Variants in TMEM266 observed in about 807,000 individuals in gnomAD.
The protein encoded by TMEM266 is Hv1 related protein 1.
In TMEM266, 33 loss-of-function variants were observed where a neutral mutation model predicts 50.5. The ratio of observed to expected loss-of-function variants is 0.65; its 90% CI spans 0.50 to 0.87. The LOEUF (loss-of-function observed/expected upper bound fraction) is 0.87, where lower values mean the gene tolerates loss of function less well. Among genes scored for constraint, TMEM266 ranks in the 40% least tolerant of loss-of-function variants. TMEM266 has a pLI of 0.00. For synonymous variants in TMEM266, 310 were observed against 292.3 expected, an observed-to-expected ratio of 1.06 and a Z score of -0.62; for missense variants, 655 against 695.1, an observed-to-expected ratio of 0.94 and a Z score of 0.65.
chr15:76,078,785 A>G (rs962927059), intron 1 of TMEM266, among the ~76,000 whole-genome samples: 3 of 152,186 alleles, frequency 2.0e-5, no homozygotes, highest in Non-Finnish European at 2.9e-5. Flanking sequence ...TTAAAATACT[A>G]CCACAAACTG....
In TMEM266 at chr15:76,127,265, G is replaced by A. The variant is rs181118570; in HGVS notation, c.-96-6903G>A. On this transcript the variant is annotated intron_variant, in intron 1 of 10. Transcript: ENST00000388942. ...TTTGTCAGTCATACCTCAGCTATGC[G>A]GGGGAAAAAAGAGCTTGGGTGCCAC... 4.4e-4 allele frequency among the ~76,000 whole-genome samples: 67 copies of A among 151,192 alleles called. No homozygotes were observed. In the East Asian group the frequency reaches 0.01, roughly 24 times the overall value.
chr15:76,060,454 C>T (rs1281400819), intron 1 of TMEM266, among the ~76,000 whole-genome samples: 1 of 152,162 alleles, frequency 6.6e-6, no homozygotes, highest in African/African-American at 2.4e-5. Context: ...GGAAATCCCA[C>T]ACCCTGAGGA....
Position 76,202,280 on chromosome 15 carries a change from G to C in TMEM266, c.1021+16G>C, listed in dbSNP as rs754618712. The C allele has an allele frequency of 6.2e-7, 1 of 1,609,852 alleles. No individual in the cohort carries two copies. The highest frequency in any genetic ancestry group is 8.5e-7 in the Non-Finnish European group (1 of 1,177,360). On this transcript the variant is annotated intron_variant, in intron 10 of 10. Coordinates refer to ENST00000388942, the MANE Select transcript of TMEM266 (RefSeq NM_152335.3). ...CCCAGCAGTGGTAAGTCTGGGTTGG[G>C]GCTGTTCTACATGTGCCACAACCCC...
At chr15:76,064,927 G>A (rs1469742797) in intron 1 of TMEM266, among the ~76,000 whole-genome samples, 1 of 152,076 alleles carries the variant, frequency 6.6e-6, no homozygotes, top group East Asian at 1.9e-4. Flanking sequence ...TCCCACCCTG[G>A]TTACACAATT....
chr15:76,082,739 C>T (rs537488958), intron 1 of TMEM266, among the ~76,000 whole-genome samples: 8 of 152,226 alleles, frequency 5.3e-5, no homozygotes, highest in African/African-American at 1.4e-4. Flanking sequence ...GAGGCCAAGG[C>T]GGGTGGATCA....
chr15:76,087,997 C>T (rs2036797994), intron 1 of TMEM266, among the ~76,000 whole-genome samples: 1 of 152,204 alleles, frequency 6.6e-6, no homozygotes, highest in African/African-American at 2.4e-5. Flanking sequence ...TTCTTTGCAA[C>T]AATCAAATAG....
intron 8 of TMEM266, among the ~76,000 whole-genome samples, chr15:76,188,431 T>C (rs1188475442): frequency 1.3e-5 from 2 of 152,084 alleles, no homozygotes; most frequent in African/African-American, 4.8e-5. Flanking sequence ...GGTGAAACCC[T>C]GTCTCTACTA....
chr15:76,182,433 G>A (rs1440898334), intron 8 of TMEM266, among the ~76,000 whole-genome samples: 2 of 151,858 alleles, frequency 1.3e-5, no homozygotes, highest in Admixed American at 1.3e-4. Flanking sequence ...TCAGGAGGTC[G>A]AGACCATCCT....
At chr15:76,195,508 G>A (rs765640289) in intron 9 of TMEM266, among the ~76,000 whole-genome samples, 1 of 152,204 alleles carries the variant, frequency 6.6e-6, no homozygotes, top group Non-Finnish European at 1.5e-5. Flanking sequence ...TGGAAGGTGG[G>A]AGCAATTTTT....
At chr15:76,128,612 G>T (rs1461441547) in intron 1 of TMEM266, among the ~76,000 whole-genome samples, 18 of 152,148 alleles carry the variant, frequency 1.2e-4, no homozygotes. Flanking sequence ...GTGTTTTGAG[G>T]GTTATTTTGT....
intron 1 of TMEM266, among the ~76,000 whole-genome samples, chr15:76,098,810 G>A (rs1596103010): frequency 6.6e-6 from 1 of 150,388 alleles, no homozygotes; most frequent in Non-Finnish European, 1.5e-5. Flanking sequence ...TCTGGCCACA[G>A]CAGCCTTGCT....
intron 3 of TMEM266, among the ~76,000 whole-genome samples, chr15:76,144,469 G>A (rs2037727418): frequency 1.3e-5 from 2 of 152,172 alleles, no homozygotes; most frequent in Non-Finnish European, 2.9e-5. Context: ...GGGAGTGCCA[G>A]TACCAAGTCA....
intron 1 of TMEM266, among the ~76,000 whole-genome samples, chr15:76,061,662 C>G (rs1402644409): frequency 6.6e-6 from 1 of 152,128 alleles, no homozygotes; most frequent in African/African-American, 2.4e-5. Context: ...GGCACTAAAC[C>G]TATAAAAAGT....
chr15:76,128,185 G>A (rs903604058), intron 1 of TMEM266, among the ~76,000 whole-genome samples: 1 of 152,174 alleles, frequency 6.6e-6, no homozygotes, highest in Non-Finnish European at 1.5e-5. Flanking sequence ...CATGGGAAAC[G>A]CTGAAATGGG....
chr15:76,107,745 C>T (rs1347773782), intron 1 of TMEM266, among the ~76,000 whole-genome samples: 1 of 152,176 alleles, frequency 6.6e-6, no homozygotes, highest in African/African-American at 2.4e-5. Context: ...AATCTGATCT[C>T]ACATTACAGA....
chr15:76,084,959 CTTT>C (rs1388101806), intron 1 of TMEM266, among the ~76,000 whole-genome samples: 1 of 135,080 alleles, frequency 7.4e-6, no homozygotes. Flanking sequence ...TTTCTTTTTC[CTTT>C]TTTTTTTTTT....
Position 76,152,907 on chromosome 15 carries a change from C to T in TMEM266, c.228-3697C>T, listed in dbSNP as rs554057335. On this transcript the variant is annotated intron_variant, in intron 3 of 10. Coordinates refer to ENST00000388942, the MANE Select transcript of TMEM266 (RefSeq NM_152335.3). ...CTCTTGATCACGCTGCCTACCTTAG[C>T]TGATGGTGGGGGCGGCGTTCATTTG... is the stretch of plus-strand genomic sequence containing the variant. Among the ~76,000 whole-genome samples the T allele has an allele frequency of 1.2e-4, 18 of 152,294 alleles. 1 individual carries two copies. In the South Asian group the frequency reaches 3.7e-3, roughly 32 times the overall value.
At chr15:76,100,998 G>T (rs1210169341) in intron 1 of TMEM266, among the ~76,000 whole-genome samples, 1 of 151,244 alleles carries the variant, frequency 6.6e-6, no homozygotes, top group Non-Finnish European at 1.5e-5. Flanking sequence ...TGCTTACCTT[G>T]GTTTTTTTTT....
chr15:76,135,385 G>A (rs558997058), intron 2 of TMEM266, among the ~76,000 whole-genome samples: 2 of 152,324 alleles, frequency 1.3e-5, no homozygotes, highest in South Asian at 2.1e-4. Context: ...GTGCCGGGCC[G>A]CTGGGACCAC....
Sources: gnomAD v4.1 joint callset for allele counts (sites outside exome capture counted in the v4.1 genomes callset) on GRCh38, gnomAD v4.1.1 for gene constraint, MANE v1.5 for transcripts, NCBI Gene and HGNC (gene_info 2026-07-23, HGNC 2026-07-21) for gene names.